GRM8: variants seen among roughly 807,000 people sequenced by gnomAD.
The protein encoded by GRM8 is metabotropic glutamate receptor 8.
In GRM8, 47 loss-of-function variants were observed where a neutral mutation model predicts 87.2. That is an observed-to-expected ratio of 0.54 (90% CI 0.43 to 0.69). The LOEUF (loss-of-function observed/expected upper bound fraction) is 0.69. GRM8 is among the 30% of genes least tolerant of loss of function. The pLI is 0.00. For synonymous variants in GRM8, 396 were observed against 404.5 expected (o/e 0.98, Z 0.25); for missense variants, 1,019 against 1,139.2 (o/e 0.89, Z 1.52).
At chr7:126,613,255 G>A (rs1383324294) in intron 7 of GRM8, among the ~76,000 whole-genome samples, 1 of 151,110 alleles carries the variant, frequency 6.6e-6, no homozygotes, top group Admixed American at 6.6e-5. Context: ...ACTGAAACTG[G>A]CCACTCTGAG....
intron 2 of GRM8, among the ~76,000 whole-genome samples, chr7:127,220,119 G>C (rs1796826022): frequency 6.6e-6 from 1 of 152,176 alleles, no homozygotes; most frequent in Non-Finnish European, 1.5e-5. Flanking sequence ...CCCTATCCTA[G>C]AGAAGGAAAC....
chr7:126,645,615 T>C (rs1442602685), intron 7 of GRM8, among the ~76,000 whole-genome samples: 1 of 152,222 alleles, frequency 6.6e-6, no homozygotes, highest in East Asian at 1.9e-4. Flanking sequence ...TCTCAATTGA[T>C]TAATTTTGTC....
chr7:127,075,427 C>G (rs1036233193), intron 3 of GRM8, among the ~76,000 whole-genome samples: 1 of 152,016 alleles, frequency 6.6e-6, no homozygotes, highest in Non-Finnish European at 1.5e-5. Flanking sequence ...TAGAAATACA[C>G]TAAAATATTT....
intron 7 of GRM8, among the ~76,000 whole-genome samples, chr7:126,627,276 C>A (rs1234536599): frequency 6.6e-6 from 1 of 152,058 alleles, no homozygotes; most frequent in Non-Finnish European, 1.5e-5. Context: ...TTTGATAATC[C>A]CAACTGGGAA....
chr7:126,502,343 G>A (rs776272337), intron 9 of GRM8, among the ~76,000 whole-genome samples: 1 of 152,042 alleles, frequency 6.6e-6, no homozygotes, highest in Non-Finnish European at 1.5e-5. Flanking sequence ...ATGTAGTTTA[G>A]AAGCCTCCCT....
At chr7:127,025,829 C>G (rs1177411369) in intron 3 of GRM8, among the ~76,000 whole-genome samples, 1 of 151,854 alleles carries the variant, frequency 6.6e-6, no homozygotes, top group Non-Finnish European at 1.5e-5. Context: ...TTTAATTTAA[C>G]AATTAGAATC....
chr7:126,965,415 C>T (rs943454317), intron 3 of GRM8, among the ~76,000 whole-genome samples: 2 of 152,146 alleles, frequency 1.3e-5, no homozygotes, highest in African/African-American at 2.4e-5. Context: ...TAAACACTGT[C>T]CCCTCCATTA....
Position 126,453,372 on chromosome 7 carries a change from G to A in GRM8, c.2431-7000C>T, listed in dbSNP as rs550069015. Among the ~76,000 whole-genome samples the A allele has an allele frequency of 5.9e-5, 9 of 151,666 alleles. No homozygotes were observed. The South Asian group carries it at 6.2e-4, about 11-fold the overall frequency. On this transcript the variant is annotated intron_variant, in intron 9 of 10. Transcript: ENST00000339582. ...GCAGTCACTTATCACATCCCCTTTC[G>A]GCTCAGGACACATATTTGCAACATG...
chr7:126,895,180 C>G (rs1451273776), intron 6 of GRM8, among the ~76,000 whole-genome samples: 1 of 152,032 alleles, frequency 6.6e-6, no homozygotes, highest in Non-Finnish European at 1.5e-5. Flanking sequence ...TGAATACATA[C>G]TCAAGTAAGT....
chr7:126,522,726 C>G (rs1253136578), intron 9 of GRM8, among the ~76,000 whole-genome samples: 3 of 152,122 alleles, frequency 2.0e-5, no homozygotes, highest in African/African-American at 7.2e-5. Flanking sequence ...CTGTTTGCAT[C>G]TGTTCCTTTC....
chr7:126,456,075 G>T (rs1227071571), intron 9 of GRM8, among the ~76,000 whole-genome samples: 2 of 151,514 alleles, frequency 1.3e-5, no homozygotes, highest in African/African-American at 4.8e-5. Context: ...AATCTCAGTA[G>T]ATGAAGGACT....
chr7:126,771,853 CA>C (rs1173608290), intron 6 of GRM8, among the ~76,000 whole-genome samples: 1 of 152,026 alleles, frequency 6.6e-6, no homozygotes, highest in East Asian at 1.9e-4. Context: ...GATTACTTCT[CA>C]AAAGTTATAT....
chr7:127,140,642 TC>T (rs1828212336), intron 2 of GRM8, among the ~76,000 whole-genome samples: 1 of 152,124 alleles, frequency 6.6e-6, no homozygotes, highest in Non-Finnish European at 1.5e-5. Flanking sequence ...TCTCTCCATT[TC>T]CTTTTCTGAA....
At chr7:127,171,238 A>G (rs1311899877) in intron 2 of GRM8, among the ~76,000 whole-genome samples, 1 of 152,212 alleles carries the variant, frequency 6.6e-6, no homozygotes, top group Non-Finnish European at 1.5e-5. Flanking sequence ...CTTCTTATGG[A>G]TGAGCAAAGA....
chr7:126,933,899 A>C (rs1183956949), intron 3 of GRM8, among the ~76,000 whole-genome samples: 1 of 152,170 alleles, frequency 6.6e-6, no homozygotes, highest in Non-Finnish European at 1.5e-5. Flanking sequence ...TAGTGAATAC[A>C]TGTGGAGGGC....
intron 8 of GRM8, among the ~76,000 whole-genome samples, chr7:126,560,942 TTTGAACTTA>T (rs1274510587): frequency 6.6e-6 from 1 of 152,224 alleles, no homozygotes; most frequent in Non-Finnish European, 1.5e-5. Context: ...CTCTCTTTAA[TTTGAACTTA>T]TTGTAAACAT....
At chr7:126,468,176 G>T (rs184586889) in intron 9 of GRM8, among the ~76,000 whole-genome samples, 20 of 152,066 alleles carry the variant, frequency 1.3e-4, no homozygotes, top group Admixed American at 9.2e-4. Flanking sequence ...TGCCCTTATT[G>T]CTTGCCTACA....
chr7:127,250,171 T>G (rs1368204678), intron 1 of GRM8, among the ~76,000 whole-genome samples: 1 of 152,256 alleles, frequency 6.6e-6, no homozygotes, highest in African/African-American at 2.4e-5. Context: ...ACGGGTTATT[T>G]GCTGCATAAA....
At chr7:126,780,566 A>G (rs1367228612) in intron 6 of GRM8, among the ~76,000 whole-genome samples, 1 of 152,174 alleles carries the variant, frequency 6.6e-6, no homozygotes, top group Non-Finnish European at 1.5e-5. Context: ...ACGATCTGAA[A>G]GATAAATGGG....
Sources: gnomAD v4.1 joint callset for allele counts (sites outside exome capture counted in the v4.1 genomes callset) on GRCh38, gnomAD v4.1.1 for gene constraint, MANE v1.5 for transcripts, NCBI Gene and HGNC (gene_info 2026-07-23, HGNC 2026-07-21) for gene names.